The following SLC8A1 variants were observed in gnomAD, a reference collection of about 807,000 sequenced individuals.
SLC8A1 encodes the protein solute carrier family 8 member A1, also known as sodium/calcium exchanger 1.
Under a neutral mutation model 68.3 loss-of-function variants are expected in SLC8A1, and 18 were observed. The observed-to-expected ratio is 0.26, with a 90% CI of 0.18 to 0.39. The LOEUF (loss-of-function observed/expected upper bound fraction) is 0.39, where lower values mean the gene tolerates loss of function less well. Ranked by LOEUF, SLC8A1 falls within the 10% of genes least tolerant of loss-of-function variation. The probability of loss-of-function intolerance (pLI) is 1.00; values close to 1 mark genes in which losing one functional copy is unlikely to be tolerated. For synonymous variants in SLC8A1, 475 were observed against 415.5 expected (o/e 1.14, Z -1.74); for missense variants, 985 against 1,156.7 (o/e 0.85, Z 2.15).
rs180942799 is a variant in SLC8A1 at position 40,435,849 on chromosome 2, C to T, written c.-24-5545G>A. ...GGAGTGCAGTGGTATGAACTCGGCT[C>T]ACTGCAGCCTGTGCCTTCTGGATTC... is the stretch of plus-strand genomic sequence containing the variant. On this transcript the variant is annotated intron_variant, in intron 1 of 7. Coordinates refer to ENST00000406785, the Ensembl canonical transcript of SLC8A1. Among the ~76,000 whole-genome samples, 586 of 152,164 alleles carry T rather than the reference C, an allele frequency of 3.9e-3. 5 individuals are homozygous for T. The highest frequency in any genetic ancestry group is 6.2e-3 in the Non-Finnish European group (424 of 68,014).
At chr2:40,424,661 T>C (rs1296545428) in intron 2 of SLC8A1, among the ~76,000 whole-genome samples, 2 of 151,886 alleles carry the variant, frequency 1.3e-5, no homozygotes, top group Non-Finnish European at 3.0e-5. Context: ...TATGTTATAC[T>C]ATGACTAGGA....
chr2:40,466,735 T>A (rs1703696366), intron 1 of SLC8A1, among the ~76,000 whole-genome samples: 1 of 152,146 alleles, frequency 6.6e-6, no homozygotes. Context: ...TAATTCATGT[T>A]GGTTTGTTGA....
intron 2 of SLC8A1, chr2:40,251,044 G>A (rs1051861749): frequency 4.6e-5 from 7 of 152,034 alleles, no homozygotes; most frequent in African/African-American, 7.2e-5. Context: ...TTCCAATCAA[G>A]AAGAAATGTT....
chr2:40,380,675 T>C (rs946773542), intron 2 of SLC8A1, among the ~76,000 whole-genome samples: 5 of 152,086 alleles, frequency 3.3e-5, no homozygotes, highest in African/African-American at 1.2e-4. Context: ...AATTATGTTA[T>C]TGCTACACTT....
At chr2:40,123,713 G>A (rs370870698) in intron 7 of SLC8A1, among the ~76,000 whole-genome samples, 19 of 152,228 alleles carry the variant, frequency 1.2e-4, no homozygotes, top group Admixed American at 2.6e-4. Context: ...TGCAAAGTCC[G>A]TGAGGGCAAA....
chr2:40,207,019 T>G (rs866274132), intron 2 of SLC8A1, among the ~76,000 whole-genome samples: 4 of 152,146 alleles, frequency 2.6e-5, no homozygotes, highest in East Asian at 1.9e-4. Flanking sequence ...TTCCTTATGA[T>G]GTATGAAAAA....
At chr2:40,468,565 G>T (rs1703825608) in intron 1 of SLC8A1, among the ~76,000 whole-genome samples, 1 of 152,036 alleles carries the variant, frequency 6.6e-6, no homozygotes, top group Non-Finnish European at 1.5e-5. Flanking sequence ...TCTGTATTTT[G>T]TGTATTCCCA....
At chr2:40,409,828 C>A (rs1317880739) in intron 2 of SLC8A1, among the ~76,000 whole-genome samples, 1 of 152,138 alleles carries the variant, frequency 6.6e-6, no homozygotes, top group African/African-American at 2.4e-5. Flanking sequence ...GTGTGGTCCC[C>A]TTGATCCTGC....
chr2:40,257,306 C>G (rs1485243834), intron 2 of SLC8A1, among the ~76,000 whole-genome samples: 3 of 152,128 alleles, frequency 2.0e-5, no homozygotes, highest in Non-Finnish European at 4.4e-5. Flanking sequence ...ATGTCCCATT[C>G]ACTTGCAATC....
At chr2:40,369,857 G>C (rs1466767615) in intron 2 of SLC8A1, among the ~76,000 whole-genome samples, 1 of 140,856 alleles carries the variant, frequency 7.1e-6, no homozygotes, top group Non-Finnish European at 1.5e-5. Context: ...ACCACTGCTG[G>C]TGTAGAAAAG....
intron 1 of SLC8A1, among the ~76,000 whole-genome samples, chr2:40,464,998 C>T (rs548565538): frequency 6.6e-6 from 1 of 152,122 alleles, no homozygotes; most frequent in Non-Finnish European, 1.5e-5. Context: ...CCCAGCTGTG[C>T]CAGAACACTA....
chr2:40,310,168 T>C (rs759395981), intron 2 of SLC8A1, among the ~76,000 whole-genome samples: 13 of 152,174 alleles, frequency 8.5e-5, no homozygotes, highest in Admixed American at 2.6e-4. Flanking sequence ...GTGTCCAAGG[T>C]AATGAGGTGT....
intron 2 of SLC8A1, among the ~76,000 whole-genome samples, chr2:40,282,478 A>T (rs1360197916): frequency 6.6e-6 from 1 of 152,150 alleles, no homozygotes; most frequent in East Asian, 1.9e-4. Context: ...GCCTATGTAC[A>T]TTTGTTTACG....
intron 2 of SLC8A1, among the ~76,000 whole-genome samples, chr2:40,427,189 T>C (rs1202765398): frequency 6.6e-6 from 1 of 152,092 alleles, no homozygotes; most frequent in Non-Finnish European, 1.5e-5. Flanking sequence ...CTTATCACTA[T>C]AGTATAACAA....
chr2:40,321,827 C>A (rs1033468221), intron 2 of SLC8A1, among the ~76,000 whole-genome samples: 9 of 152,048 alleles, frequency 5.9e-5, no homozygotes, highest in Non-Finnish European at 1.2e-4. Context: ...GGTGGGAACA[C>A]AACCAAGCCG....
rs11314046 is a variant in SLC8A1 at position 40,134,097 on chromosome 2, G to GTT, written c.2437+5302_2437+5303dup. 3.9e-4 allele frequency among the ~76,000 whole-genome samples: 14 copies of GTT among 36,032 alleles called. No homozygotes were observed. The East Asian group carries it at 0.026, about 68-fold the overall frequency. 23.6% of individuals were successfully genotyped at this position (36,032 alleles called of 152,430 possible). On this transcript the variant is annotated intron_variant, in intron 7 of 7. Transcript: ENST00000406785. Reference sequence around the variant, plus strand: ...AGTTTTTGTTTGTTTGTTTGTTTGTGTTTTTTTTTTTTGAGATGGAATCTT... The same window carrying GTT: ...AGTTTTTGTTTGTTTGTTTGTTTGTGTTTTTTTTTTTTTTGAGATGGAATCTT...
chr2:40,231,111 CATAAG>C (rs1364436743), intron 2 of SLC8A1, among the ~76,000 whole-genome samples: 1 of 152,136 alleles, frequency 6.6e-6, no homozygotes, highest in Non-Finnish European at 1.5e-5. Context: ...TGCCTTAGGG[CATAAG>C]ATAAGGAATG....
At chr2:40,362,477 G>A (rs543866256) in intron 2 of SLC8A1, among the ~76,000 whole-genome samples, 1 of 152,132 alleles carries the variant, frequency 6.6e-6, no homozygotes, top group Admixed American at 6.5e-5. Context: ...GCATCATTGT[G>A]CTACTATTTT....
exon 8 of SLC8A1, chr2:40,107,648 G>A (rs925273695): frequency 7.9e-5 from 12 of 152,134 alleles, no homozygotes; most frequent in African/African-American, 2.9e-4. Flanking sequence ...TAAAAAGGGG[G>A]GAGGTCAGGA....
Sources: gnomAD v4.1 joint callset for allele counts (sites outside exome capture counted in the v4.1 genomes callset) on GRCh38, gnomAD v4.1.1 for gene constraint, MANE v1.5 for transcripts, NCBI Gene and HGNC (gene_info 2026-07-23, HGNC 2026-07-21) for gene names.